FAM222B: variants seen among roughly 807,000 people sequenced by gnomAD.
FAM222B encodes the protein protein FAM222B.
FAM222B carries 12 observed loss-of-function variants against 38.0 expected under a neutral mutation model. The observed-to-expected ratio is 0.32, with a 90% confidence interval of 0.20 to 0.51. The LOEUF (loss-of-function observed/expected upper bound fraction) is 0.51, where lower values mean the gene tolerates loss of function less well. FAM222B is among the 20% of genes least tolerant of loss of function. The pLI is 0.97. For synonymous variants in FAM222B, 329 were observed against 317.2 expected (o/e 1.04, Z -0.40); for missense variants, 716 against 754.2 (o/e 0.95, Z 0.59).
chr17:28,772,323 C>A (rs538553711), intron 1 of FAM222B, among the ~76,000 whole-genome samples: 1 of 152,080 alleles, frequency 6.6e-6, no homozygotes, highest in Non-Finnish European at 1.5e-5. Flanking sequence ...AATCTCACAT[C>A]TATTAAATCC....
At chr17:28,831,959 G>A (rs997507911) in intron 1 of FAM222B, among the ~76,000 whole-genome samples, 2 of 152,144 alleles carry the variant, frequency 1.3e-5, no homozygotes, top group Non-Finnish European at 2.9e-5. Flanking sequence ...GGAGGCCGAG[G>A]AGGGCAGATC....
At chr17:28,824,363 T>G (rs1476285232) in intron 1 of FAM222B, among the ~76,000 whole-genome samples, 7 of 151,906 alleles carry the variant, frequency 4.6e-5, no homozygotes, top group Admixed American at 4.6e-4. Flanking sequence ...TTTCTTATTT[T>G]TTTGTAGACA....
In FAM222B at chr17:28,758,273, T is replaced by C; in HGVS notation, c.1686A>G (p.Arg562=). ...RSLHIQHPGY[R] Reference sequence around the variant, plus strand: ...ACGTGGAGGGCAGCAGGGCTACCTATCTATACCCTGGGTGCTGAATATGAA... The same window carrying C: ...ACGTGGAGGGCAGCAGGGCTACCTACCTATACCCTGGGTGCTGAATATGAA... Residue 562 remains arginine (R), a synonymous_variant, in exon 3 of 3, where the codon AGA becomes AGG. Transcript: ENST00000581407. 1 of 1,576,932 alleles carries C rather than the reference T, an allele frequency of 6.3e-7. No homozygotes were observed. Among genetic ancestry groups the C allele is most frequent in the Non-Finnish European group, 8.6e-7 (1 of 1,161,884 alleles).
chr17:28,816,097 G>A (rs1461086244), intron 1 of FAM222B, among the ~76,000 whole-genome samples: 1 of 151,706 alleles, frequency 6.6e-6, no homozygotes, highest in Non-Finnish European at 1.5e-5. Context: ...CCAACATGGT[G>A]AAACCTCATC....
chr17:28,805,690 A>C (rs1289223010), intron 1 of FAM222B, among the ~76,000 whole-genome samples: 1 of 152,102 alleles, frequency 6.6e-6, no homozygotes, highest in African/African-American at 2.4e-5. Context: ...AAAAAGTGGG[A>C]TCTCTGTCTC....
intron 2 of FAM222B, among the ~76,000 whole-genome samples, chr17:28,762,849 G>T (rs2035149182): frequency 6.8e-6 from 1 of 147,476 alleles, no homozygotes; most frequent in Non-Finnish European, 1.5e-5. Context: ...CTGAGGCAAA[G>T]AATTGCTTAA....
intron 1 of FAM222B, chr17:28,777,266 G>A (rs572225044): frequency 2.0e-5 from 3 of 152,270 alleles, no homozygotes; most frequent in African/African-American, 7.2e-5. Flanking sequence ...GTGGCTCAAG[G>A]CATTTGGAAA....
chr17:28,767,417 C>T (rs1174952837), intron 1 of FAM222B, among the ~76,000 whole-genome samples: 2 of 152,054 alleles, frequency 1.3e-5, no homozygotes, highest in Non-Finnish European at 2.9e-5. Context: ...CTCGGCCTCC[C>T]AAAGTGCCGG....
chr17:28,833,964 T>C (rs2038754511), intron 1 of FAM222B, among the ~76,000 whole-genome samples: 1 of 152,248 alleles, frequency 6.6e-6, no homozygotes, highest in South Asian at 2.1e-4. Flanking sequence ...TCTTTTACTC[T>C]TGTATTCCGT....
chr17:28,822,832 AATATATATATATAT>A lies in FAM222B; in HGVS notation c.-41+19836_-41+19849del, dbSNP rs1254235399. ...AAAAAAAAAAAAAAAAAAAAAAAAAAATATATATATATATATATATATATATATATATACACACA... is the reference window on the plus strand; with the variant it reads ...AAAAAAAAAAAAAAAAAAAAAAAAAAATATATATATATATATATACACACA... On this transcript the variant is annotated intron_variant, in intron 1 of 2. Transcript: ENST00000581407. 2.0e-3 allele frequency among the ~76,000 whole-genome samples: 85 copies of A among 42,800 alleles called. 1 individual carries two copies. The highest frequency in any genetic ancestry group is 0.019 in the South Asian group (17 of 872). 28.1% of individuals were successfully genotyped at this position (42,800 alleles called of 152,430 possible). A position where few individuals can be genotyped will look rare whatever the true frequency, so the allele number is the denominator to read the frequency against.
chr17:28,759,236 A>T lies in FAM222B; in HGVS notation c.723T>A (p.Asn241Lys). The T allele has an allele frequency of 6.2e-7, 1 of 1,613,590 alleles. No homozygotes were observed. The highest frequency in any genetic ancestry group is 2.2e-5 in the East Asian group (1 of 44,864). Residue 241 changes from asparagine (N) to lysine (K), a missense_variant, in exon 3 of 3, where the codon AAT (asparagine) becomes AAA (lysine). Asn to Lys is a moderately conservative substitution (Grantham distance 94). Coordinates refer to ENST00000581407, the MANE Select transcript of FAM222B (RefSeq NM_001077498.3). This position sits in a 1 kb window ranked among gnomAD's most constrained non-coding sequence, Gnocchi z 4.8. Reference protein sequence around the residue: ...RKMPDSDAPPNVTVSTSTIPL... With the variant: ...RKMPDSDAPPKVTVSTSTIPL... Reference sequence around the variant, plus strand: ...GGATAGTTGAGGTAGACACGGTCACATTCGGGGGGGCATCTGAGTCTGGCA... The same window carrying T: ...GGATAGTTGAGGTAGACACGGTCACTTTCGGGGGGGCATCTGAGTCTGGCA...
chr17:28,779,142 C>T (rs1473402918), intron 1 of FAM222B, among the ~76,000 whole-genome samples: 1 of 152,158 alleles, frequency 6.6e-6, no homozygotes, highest in East Asian at 1.9e-4. Flanking sequence ...TCCCAAAAAT[C>T]AAAGACGACG....
chr17:28,819,700 A>G (rs1001862403), intron 1 of FAM222B, among the ~76,000 whole-genome samples: 6 of 152,190 alleles, frequency 3.9e-5, no homozygotes, highest in African/African-American at 1.2e-4. Context: ...ACCTTTGCCT[A>G]TGAATGTAAA....
At chr17:28,792,311 CAAA>C (rs71135853) in intron 1 of FAM222B, among the ~76,000 whole-genome samples, 6 of 110,154 alleles carry the variant, frequency 5.4e-5, no homozygotes, top group Admixed American at 2.9e-4. Context: ...GACTCTGTCT[CAAA>C]AAAAAAAAAA....
chr17:28,774,418 C>T (rs1181255168), intron 1 of FAM222B, among the ~76,000 whole-genome samples: 1 of 152,136 alleles, frequency 6.6e-6, no homozygotes, highest in Non-Finnish European at 1.5e-5. Flanking sequence ...TTCCTAACGC[C>T]AGCTGGTATG....
rs554585806 is a variant in FAM222B, at chr17:28,835,847, T to A, written c.-41+6835A>T. On this transcript the variant is annotated intron_variant, in intron 1 of 2. Transcript: ENST00000581407. ...CCACCACACCCGGCTCATTTTTTTT[T>A]ATTTTTTTGTAAAGAGAGGGTTTCA... 7.9e-5 allele frequency among the ~76,000 whole-genome samples: 12 copies of A among 152,112 alleles called. No homozygotes were observed. In the East Asian group the frequency reaches 9.7e-4, roughly 12 times the overall value.
intron 1 of FAM222B, among the ~76,000 whole-genome samples, chr17:28,799,075 A>C (rs1407606559): frequency 1.3e-5 from 2 of 151,194 alleles, no homozygotes; most frequent in Non-Finnish European, 2.9e-5. Context: ...CCCGGGTTCA[A>C]GCAATTCTCC....
At chr17:28,815,115 T>C (rs1034627123) in intron 1 of FAM222B, among the ~76,000 whole-genome samples, 2 of 151,856 alleles carry the variant, frequency 1.3e-5, no homozygotes, top group African/African-American at 4.8e-5. Context: ...CATCTCTTGG[T>C]CCAATATAAT....
At chr17:28,790,921 C>T (rs2036652174) in intron 1 of FAM222B, among the ~76,000 whole-genome samples, 1 of 27,458 alleles carries the variant, frequency 3.6e-5, no homozygotes, top group Non-Finnish European at 7.2e-5. Context: ...TTTTTAGAGA[C>T]AGAATCTTGC....
Sources: allele counts gnomAD v4.1 joint callset (sites outside exome capture counted in the v4.1 genomes callset), GRCh38; gene constraint gnomAD v4.1.1; non-coding constraint Gnocchi (gnomAD v3.1); transcripts MANE v1.5; gene names NCBI Gene and HGNC (gene_info 2026-07-23, HGNC 2026-07-21).